The following MYRIP variants were observed in gnomAD, a reference collection of about 807,000 sequenced individuals.
MYRIP encodes myosin VIIA and Rab interacting protein.
Under a neutral mutation model 98.0 loss-of-function variants are expected in MYRIP, and 49 were observed. The observed-to-expected ratio is 0.50, with a 90% CI of 0.40 to 0.63. The LOEUF is 0.63. MYRIP is among the 30% of genes least tolerant of loss of function. The pLI is 0.00. For synonymous variants in MYRIP, 404 were observed against 409.5 expected (o/e 0.99, Z 0.16); for missense variants, 1,004 against 1,058.2 (o/e 0.95, Z 0.71).
chr3:39,903,187 GAC>G (rs1290621040), intron 2 of MYRIP, among the ~76,000 whole-genome samples: 9 of 152,160 alleles, frequency 5.9e-5, no homozygotes, highest in Non-Finnish European at 7.4e-5. Context: ...AAAAGATTAT[GAC>G]ACTGCAAAAC....
At position 39,941,503 on chromosome 3, in the gene MYRIP, G is replaced by GTA. The variant is rs537557970; in HGVS notation, c.110+40578_110+40579insAT. 8.1e-3 allele frequency among the ~76,000 whole-genome samples: 1,174 copies of GTA among 145,112 alleles called. 12 individuals are homozygous for GTA. Among genetic ancestry groups the GTA allele is most frequent in the South Asian group, 0.042 (193 of 4,646 alleles). ...TTTAAAAATGTATGTGTGTGTGTGT[G>GTA]TGTGTGTATATATATACACACACAC... is the stretch of plus-strand genomic sequence containing the variant. On this transcript the variant is annotated intron_variant, in intron 2 of 16. Transcript: ENST00000302541.
chr3:40,231,287 C>A (rs1952648742), intron 11 of MYRIP, among the ~76,000 whole-genome samples: 1 of 152,196 alleles, frequency 6.6e-6, no homozygotes, highest in East Asian at 1.9e-4. Context: ...CCTTCAGGGG[C>A]CAAGACAGTA....
chr3:40,008,373 C>T (rs1042356062), intron 2 of MYRIP, among the ~76,000 whole-genome samples: 9 of 152,160 alleles, frequency 5.9e-5, no homozygotes, highest in Admixed American at 3.3e-4. Flanking sequence ...TCAGGAAAGA[C>T]GTTTAACATA....
chr3:39,838,113 GAC>G (rs541924383), intron 1 of MYRIP, among the ~76,000 whole-genome samples: 76 of 152,322 alleles, frequency 5.0e-4, no homozygotes, highest in African/African-American at 1.7e-3. Context: ...TTTGGCCTGA[GAC>G]AGTGGGGTTT....
chr3:40,002,613 G>A (rs1443006216), intron 2 of MYRIP, among the ~76,000 whole-genome samples: 3 of 151,914 alleles, frequency 2.0e-5, no homozygotes, highest in African/African-American at 4.8e-5. Flanking sequence ...ACACAGCATA[G>A]CCCTCCCTTT....
chr3:40,166,289 T>C (rs1174388488), intron 5 of MYRIP, among the ~76,000 whole-genome samples: 4 of 152,222 alleles, frequency 2.6e-5, no homozygotes, highest in South Asian at 4.1e-4. Context: ...AGAAAGTAGA[T>C]AAAGAACCAT....
At chr3:40,100,786 T>C (rs895092235) in intron 3 of MYRIP, among the ~76,000 whole-genome samples, 5 of 152,208 alleles carry the variant, frequency 3.3e-5, no homozygotes, top group African/African-American at 1.2e-4. Context: ...GGAAATTTCA[T>C]TGTGTAAGCA....
At chr3:39,967,285 T>C (rs565183151) in intron 2 of MYRIP, among the ~76,000 whole-genome samples, 4 of 152,154 alleles carry the variant, frequency 2.6e-5, no homozygotes, top group Non-Finnish European at 2.9e-5. Context: ...GTTGTTTCCT[T>C]CTTTGTATTC....
chr3:40,030,505 G>A (rs72871428), intron 2 of MYRIP, among the ~76,000 whole-genome samples: 2,576 of 152,004 alleles, frequency 0.017, 67 homozygotes, highest in African/African-American at 0.057. Flanking sequence ...AAAAATACAC[G>A]TCCACACAAA....
intron 3 of MYRIP, among the ~76,000 whole-genome samples, chr3:40,150,582 G>T (rs1950099907): frequency 6.6e-6 from 1 of 152,196 alleles, no homozygotes; most frequent in Non-Finnish European, 1.5e-5. Context: ...ACTATTAAAT[G>T]CCCTGAAACT....
intron 2 of MYRIP, among the ~76,000 whole-genome samples, chr3:39,958,410 G>C (rs146176392): frequency 0.29 from 43,427 of 151,916 alleles, 6,422 homozygotes; most frequent in Middle Eastern, 0.37. Context: ...ACAAACCTGA[G>C]AAAAACAAGC....
At chr3:40,111,551 C>A (rs931419590) in intron 3 of MYRIP, among the ~76,000 whole-genome samples, 2 of 151,946 alleles carry the variant, frequency 1.3e-5, no homozygotes, top group African/African-American at 4.8e-5. Context: ...TGGGTGGGGG[C>A]AGTATGTTGA....
intron 3 of MYRIP, among the ~76,000 whole-genome samples, chr3:40,061,019 A>G (rs1203652379): frequency 6.6e-6 from 1 of 151,670 alleles, no homozygotes; most frequent in African/African-American, 2.4e-5. Flanking sequence ...TTGATTAAAA[A>G]CTTCATTATA....
chr3:39,986,381 TTCTC>T (rs909137324), intron 2 of MYRIP, among the ~76,000 whole-genome samples: 2 of 146,490 alleles, frequency 1.4e-5, no homozygotes, highest in African/African-American at 5.5e-5. Flanking sequence ...TATCAAACAT[TTCTC>T]TCTGTCTCTC....
chr3:40,054,664 A>G (rs1575499384), intron 3 of MYRIP, among the ~76,000 whole-genome samples: 1 of 152,126 alleles, frequency 6.6e-6, no homozygotes, highest in African/African-American at 2.4e-5. Flanking sequence ...TCAAGCTGCA[A>G]CATCCACTCT....
chr3:40,134,076 C>T (rs1949706004), intron 3 of MYRIP, among the ~76,000 whole-genome samples: 1 of 152,286 alleles, frequency 6.6e-6, no homozygotes, highest in African/African-American at 2.4e-5. Context: ...TGAGCCGAAG[C>T]AGGGCGAGGC....
chr3:39,865,523 C>T (rs915482189), intron 1 of MYRIP, among the ~76,000 whole-genome samples: 1 of 152,080 alleles, frequency 6.6e-6, no homozygotes, highest in African/African-American at 2.4e-5. Context: ...AGGATATTAA[C>T]AGACACTTTT....
intron 3 of MYRIP, among the ~76,000 whole-genome samples, chr3:40,094,917 T>G (rs1357086817): frequency 1.5e-4 from 23 of 152,124 alleles, no homozygotes; most frequent in Admixed American, 1.5e-3. Context: ...CCCCTCTGTG[T>G]CTCAGCCACT....
intron 11 of MYRIP, among the ~76,000 whole-genome samples, chr3:40,220,237 C>T (rs949042506): frequency 6.6e-6 from 1 of 151,708 alleles, no homozygotes; most frequent in African/African-American, 2.4e-5. Context: ...GGATATTAGC[C>T]CTTTGTCAGA....
Sources: allele counts gnomAD v4.1 joint callset (sites outside exome capture counted in the v4.1 genomes callset), GRCh38; gene constraint gnomAD v4.1.1; transcripts MANE v1.5; gene names NCBI Gene and HGNC (gene_info 2026-07-23, HGNC 2026-07-21).